The following KAZN variants were observed in gnomAD, a reference collection of about 807,000 sequenced individuals.
KAZN encodes kazrin.
In KAZN, 40 loss-of-function variants were observed where a neutral mutation model predicts 87.4. The observed-to-expected ratio is 0.46, with a 90% confidence interval of 0.36 to 0.60. The LOEUF is 0.60. Ranked by LOEUF, KAZN falls within the 20% of genes least tolerant of loss-of-function variation. The probability of loss-of-function intolerance (pLI) is 0.00; values close to 1 mark genes in which losing one functional copy is unlikely to be tolerated. For missense variants in KAZN, 898 were observed against 1,073.9 expected (o/e 0.84, Z 2.29); for synonymous variants, 466 against 458.3 (o/e 1.02, Z -0.22).
At chr1:14,369,340 G>T (rs903004478) in intron 2 of KAZN, among the ~76,000 whole-genome samples, 8 of 152,162 alleles carry the variant, frequency 5.3e-5, no homozygotes, top group Non-Finnish European at 1.2e-4. Context: ...CTATCCAAGT[G>T]CTTGCACGAC....
intron 2 of KAZN, among the ~76,000 whole-genome samples, chr1:14,528,618 A>T (rs1332347825): frequency 1.3e-5 from 2 of 151,338 alleles, no homozygotes; most frequent in African/African-American, 2.4e-5. Context: ...GCGTCGTGGC[A>T]CATGCCTGTA....
intron 1 of KAZN, among the ~76,000 whole-genome samples, chr1:14,127,399 GTTTTT>G (rs574276908): frequency 2.1e-5 from 1 of 47,698 alleles, no homozygotes; most frequent in Non-Finnish European, 3.7e-5. Flanking sequence ...CTTTACTGTT[GTTTTT>G]TTTTTTTTTT....
intron 2 of KAZN, among the ~76,000 whole-genome samples, chr1:14,221,385 C>G (rs2100500546): frequency 6.6e-6 from 1 of 152,170 alleles, no homozygotes; most frequent in African/African-American, 2.4e-5. Flanking sequence ...TCCATACTAT[C>G]CTCACCCTCT....
At chr1:13,914,552 C>T (rs1244418590) in intron 1 of KAZN, among the ~76,000 whole-genome samples, 1 of 152,204 alleles carries the variant, frequency 6.6e-6, no homozygotes, top group Non-Finnish European at 1.5e-5. Context: ...CGGTGATGTC[C>T]CTCCTGTGAG....
chr1:14,442,595 C>A (rs532940665), intron 2 of KAZN, among the ~76,000 whole-genome samples: 1 of 152,222 alleles, frequency 6.6e-6, no homozygotes, highest in South Asian at 2.1e-4. Context: ...GTGGGGTGCA[C>A]CCGATAGGAA....
At chr1:13,993,899 T>G (rs1399753220) in intron 1 of KAZN, among the ~76,000 whole-genome samples, 4 of 152,226 alleles carry the variant, frequency 2.6e-5, no homozygotes, top group African/African-American at 9.6e-5. Context: ...TAGTTTTATG[T>G]CAATCCCTTT....
intron 2 of KAZN, among the ~76,000 whole-genome samples, chr1:14,182,437 A>G (rs1570956462): frequency 6.6e-6 from 1 of 152,264 alleles, no homozygotes. Flanking sequence ...GGTTGTGATG[A>G]GTTTAGTATA....
intron 1 of KAZN, among the ~76,000 whole-genome samples, chr1:13,896,876 A>G (rs370682581): frequency 4.6e-5 from 7 of 152,220 alleles, no homozygotes; most frequent in African/African-American, 1.2e-4. Context: ...AAGGGCGCCT[A>G]GGATTTAGTG....
At chr1:14,331,712 A>G (rs1341636388) in intron 2 of KAZN, among the ~76,000 whole-genome samples, 1 of 152,130 alleles carries the variant, frequency 6.6e-6, no homozygotes, top group South Asian at 2.1e-4. Context: ...CAAAAACTAG[A>G]ACCTTCATCT....
At chr1:14,659,533 A>G (rs1226354740) in intron 1 of KAZN, among the ~76,000 whole-genome samples, 3 of 152,140 alleles carry the variant, frequency 2.0e-5, no homozygotes, top group Non-Finnish European at 2.9e-5. Flanking sequence ...GCAGCACTTT[A>G]TGTTGTGTTT....
rs117734897 is a variant in KAZN, at chr1:15,037,499, T to C, written c.555+2614T>C. On this transcript the variant is annotated intron_variant, in intron 3 of 14. Coordinates refer to ENST00000376030, the MANE Select transcript of KAZN (RefSeq NM_201628.3). ...TCACATCTGTAAAGCAGGATGAAGA[T>C]TGCAACTACTCACAGCCCAGTGCTG... 3.3e-4 allele frequency among the ~76,000 whole-genome samples: 50 copies of C among 152,240 alleles called. No homozygotes were observed. The East Asian group carries it at 8.5e-3, about 26-fold the overall frequency.
intron 1 of KAZN, among the ~76,000 whole-genome samples, chr1:14,879,702 C>T (rs1002822821): frequency 6.6e-6 from 1 of 152,082 alleles, no homozygotes; most frequent in African/African-American, 2.4e-5. Context: ...CAACTGGGCT[C>T]CAGAATGAAG....
At chr1:15,041,639 A>G (rs1046968112) in intron 3 of KAZN, among the ~76,000 whole-genome samples, 3 of 151,412 alleles carry the variant, frequency 2.0e-5, no homozygotes, top group African/African-American at 7.3e-5. Flanking sequence ...GCCCGGCCAC[A>G]CTCCCCTCTT....
chr1:14,154,026 C>T (rs1339307099), intron 1 of KAZN, among the ~76,000 whole-genome samples: 1 of 151,792 alleles, frequency 6.6e-6, no homozygotes, highest in Non-Finnish European at 1.5e-5. Context: ...GATTTTTTTT[C>T]TACTTATGTG....
chr1:13,973,881 C>A (rs150704096), intron 1 of KAZN, among the ~76,000 whole-genome samples: 243 of 152,344 alleles, frequency 1.6e-3, no homozygotes, highest in African/African-American at 5.8e-3. Flanking sequence ...TAGACCCCTG[C>A]ATCGGGTGTC....
chr1:14,661,762 A>G (rs1208385696), intron 1 of KAZN, among the ~76,000 whole-genome samples: 1 of 152,082 alleles, frequency 6.6e-6, no homozygotes, highest in Non-Finnish European at 1.5e-5. Context: ...CTGAAAATGT[A>G]AAAATTAGCT....
chr1:14,415,112 A>G (rs1664641972), intron 2 of KAZN, among the ~76,000 whole-genome samples: 2 of 152,240 alleles, frequency 1.3e-5, no homozygotes, highest in African/African-American at 4.8e-5. Flanking sequence ...AATCCTATTA[A>G]GCAAGTAAGT....
chr1:14,847,194 C>G (rs575839410), intron 1 of KAZN, among the ~76,000 whole-genome samples: 57 of 152,284 alleles, frequency 3.7e-4, no homozygotes, highest in African/African-American at 1.1e-3. Context: ...TTTGAGCTGT[C>G]GGATTTATGC....
At chr1:13,911,805 G>A (rs995308406) in intron 1 of KAZN, among the ~76,000 whole-genome samples, 12 of 152,092 alleles carry the variant, frequency 7.9e-5, no homozygotes, top group Non-Finnish European at 1.0e-4. Context: ...TGGCAGAAAG[G>A]GAAGTTGTGA....
Sources: gnomAD v4.1 joint callset for allele counts (sites outside exome capture counted in the v4.1 genomes callset) on GRCh38, gnomAD v4.1.1 for gene constraint, MANE v1.5 for transcripts, NCBI Gene and HGNC (gene_info 2026-07-23, HGNC 2026-07-21) for gene names.